The following KCTD16 variants were observed in gnomAD, a reference collection of about 807,000 sequenced individuals.
KCTD16 encodes the protein BTB/POZ domain-containing protein KCTD16.
In KCTD16, 13 loss-of-function variants were observed where a neutral mutation model predicts 33.2. The ratio of observed to expected loss-of-function variants is 0.39; its 90% CI spans 0.25 to 0.62. The LOEUF (loss-of-function observed/expected upper bound fraction) is 0.62, where lower values mean the gene tolerates loss of function less well. KCTD16 is among the 20% of genes least tolerant of loss of function. KCTD16 has a pLI of 0.50. For synonymous variants in KCTD16, 197 were observed against 195.3 expected (o/e 1.01, Z -0.07); for missense variants, 441 against 525.1 (o/e 0.84, Z 1.57).
intron 3 of KCTD16, among the ~76,000 whole-genome samples, chr5:144,412,072 G>T (rs1752945202): frequency 6.6e-6 from 1 of 152,110 alleles, no homozygotes; most frequent in Non-Finnish European, 1.5e-5. Context: ...GTATATTGTT[G>T]GTGGGATGTA....
intron 2 of KCTD16, among the ~76,000 whole-genome samples, chr5:144,189,374 T>C (rs891006729): frequency 9.9e-5 from 15 of 151,954 alleles, no homozygotes; most frequent in African/African-American, 3.6e-4. Flanking sequence ...CGGGCGCCTG[T>C]AGTCCCAGCT....
At chr5:144,464,590 A>G (rs1450002549) in intron 3 of KCTD16, among the ~76,000 whole-genome samples, 2 of 152,190 alleles carry the variant, frequency 1.3e-5, no homozygotes, top group Non-Finnish European at 2.9e-5. Context: ...GAATAAGATA[A>G]AATGTTTGTA....
intron 3 of KCTD16, among the ~76,000 whole-genome samples, chr5:144,396,205 C>G (rs964994794): frequency 2.0e-5 from 3 of 152,144 alleles, no homozygotes; most frequent in Admixed American, 1.3e-4. Flanking sequence ...AAGAGCACTT[C>G]TGTCCCTCCC....
chr5:144,262,656 G>T (rs1407612916), intron 3 of KCTD16, among the ~76,000 whole-genome samples: 1 of 152,108 alleles, frequency 6.6e-6, no homozygotes, highest in East Asian at 1.9e-4. Flanking sequence ...ACAAAACATT[G>T]TCTTAAAAGA....
At chr5:144,299,142 A>AT (rs1440505480) in intron 3 of KCTD16, among the ~76,000 whole-genome samples, 1 of 22,408 alleles carries the variant, frequency 4.5e-5, no homozygotes, top group African/African-American at 4.2e-4. Context: ...ATATATATAT[A>AT]TATATATTTT....
chr5:144,271,782 C>CA (rs973326550), intron 3 of KCTD16, among the ~76,000 whole-genome samples: 3 of 150,324 alleles, frequency 2.0e-5, no homozygotes, highest in Non-Finnish European at 4.5e-5. Context: ...CACACACACA[C>CA]ACACACAGAG....
At chr5:144,455,076 G>A (rs900947928) in intron 3 of KCTD16, among the ~76,000 whole-genome samples, 2 of 151,972 alleles carry the variant, frequency 1.3e-5, no homozygotes, top group African/African-American at 2.4e-5. Flanking sequence ...AAAGCCCCAG[G>A]GGGTCACAGA....
At chr5:144,262,552 T>A (rs1755040544) in intron 3 of KCTD16, among the ~76,000 whole-genome samples, 1 of 152,260 alleles carries the variant, frequency 6.6e-6, no homozygotes, top group Admixed American at 6.5e-5. Flanking sequence ...CAGGTTTTCC[T>A]ATACCTTATA....
intron 3 of KCTD16, among the ~76,000 whole-genome samples, chr5:144,255,566 T>A (rs1192799949): frequency 6.6e-6 from 1 of 152,200 alleles, no homozygotes; most frequent in Admixed American, 6.5e-5. Flanking sequence ...TTATTTGCGT[T>A]TTTCTGAAGT....
At chr5:144,186,792 A>G (rs2126777248) in intron 2 of KCTD16, among the ~76,000 whole-genome samples, 1 of 152,330 alleles carries the variant, frequency 6.6e-6, no homozygotes, top group Non-Finnish European at 1.5e-5. Flanking sequence ...TTAGCTGTGT[A>G]GCTTTTCTGG....
At chr5:144,173,921 A>G (rs1249260506) in intron 1 of KCTD16, among the ~76,000 whole-genome samples, 1 of 129,608 alleles carries the variant, frequency 7.7e-6, no homozygotes, top group Non-Finnish European at 1.6e-5. Flanking sequence ...TTTTTTTGGC[A>G]TTGCTCCCTC....
chr5:144,369,208 G>C (rs1439442220), intron 3 of KCTD16: 1 of 152,158 alleles, frequency 6.6e-6, no homozygotes, highest in Admixed American at 6.5e-5. Context: ...CATTCCCTTG[G>C]CAACCTGAGC....
chr5:144,426,417 C>T (rs1044425946), intron 3 of KCTD16, among the ~76,000 whole-genome samples: 3 of 152,086 alleles, frequency 2.0e-5, no homozygotes, highest in African/African-American at 7.2e-5. Flanking sequence ...CCAGAATCAC[C>T]CTTAATGCTT....
intron 3 of KCTD16, among the ~76,000 whole-genome samples, chr5:144,355,734 T>G (rs1294956587): frequency 1.3e-5 from 2 of 152,184 alleles, no homozygotes; most frequent in East Asian, 3.9e-4. Context: ...TGCTTCTCCC[T>G]TTGTTTTCTT....
At position 144,391,682 on chromosome 5, in the gene KCTD16, G is replaced by A. The variant is rs549290495; in HGVS notation, c.833-81978G>A. On this transcript the variant is annotated intron_variant, in intron 3 of 3. Transcript: ENST00000512467. ...TAAAATGGTAACTCTATACCCTGACGTACCTACAATGAATTTGAAGGACCA... is the reference window on the plus strand; with the variant it reads ...TAAAATGGTAACTCTATACCCTGACATACCTACAATGAATTTGAAGGACCA... 1.2e-4 allele frequency among the ~76,000 whole-genome samples: 19 copies of A among 152,176 alleles called. No homozygotes were observed. In the South Asian group the frequency reaches 3.1e-3, roughly 25 times the overall value.
intron 3 of KCTD16, among the ~76,000 whole-genome samples, chr5:144,385,968 G>A (rs1030936723): frequency 3.9e-5 from 6 of 152,130 alleles, no homozygotes; most frequent in Non-Finnish European, 8.8e-5. Context: ...ATGGTAGAGA[G>A]TGAGGCTGAG....
At chr5:144,175,503 A>G (rs1752486253) in intron 2 of KCTD16, among the ~76,000 whole-genome samples, 1 of 152,230 alleles carries the variant, frequency 6.6e-6, no homozygotes, top group African/African-American at 2.4e-5. Context: ...TATATATTCA[A>G]GTTGATAAAA....
At chr5:144,258,689 A>G (rs1754916870) in intron 3 of KCTD16, among the ~76,000 whole-genome samples, 3 of 152,228 alleles carry the variant, frequency 2.0e-5, no homozygotes, top group Admixed American at 2.0e-4. Flanking sequence ...ACAGAGGAAA[A>G]TACAAAAATT....
chr5:144,457,667 A>G lies in KCTD16; in HGVS notation c.833-15993A>G, dbSNP rs544575915. Reference sequence around the variant, plus strand: ...GCCAATGAGATTAAAGTGAAGACTGACAATAACAGGGATACCAATTTTATC... The same window carrying G: ...GCCAATGAGATTAAAGTGAAGACTGGCAATAACAGGGATACCAATTTTATC... On this transcript the variant is annotated intron_variant, in intron 3 of 3. Transcript: ENST00000512467. Among the ~76,000 whole-genome samples, 11 of 152,346 alleles carry G rather than the reference A, an allele frequency of 7.2e-5. No homozygotes were observed. The East Asian group carries it at 2.1e-3, about 29-fold the overall frequency.
Sources: gnomAD v4.1 joint callset for allele counts (sites outside exome capture counted in the v4.1 genomes callset) on GRCh38, gnomAD v4.1.1 for gene constraint, MANE v1.5 for transcripts, NCBI Gene and HGNC (gene_info 2026-07-23, HGNC 2026-07-21) for gene names.